ROR1: variants seen among roughly 807,000 people sequenced by gnomAD.
ROR1 encodes inactive tyrosine-protein kinase transmembrane receptor ROR1.
In ROR1, 19 loss-of-function variants were observed where a neutral mutation model predicts 78.8. The ratio of observed to expected loss-of-function variants is 0.24; its 90% CI spans 0.17 to 0.35. The LOEUF (loss-of-function observed/expected upper bound fraction) is 0.35, where lower values mean the gene tolerates loss of function less well. Ranked by LOEUF, ROR1 falls within the 10% of genes least tolerant of loss-of-function variation. ROR1 has a pLI of 1.00. For missense variants in ROR1, 917 were observed against 1,177.8 expected (o/e 0.78, Z 3.24); for synonymous variants, 386 against 433.6 (o/e 0.89, Z 1.36).
chr1:64,058,964 C>T (rs1016926301), intron 4 of ROR1, among the ~76,000 whole-genome samples: 1 of 151,988 alleles, frequency 6.6e-6, no homozygotes, highest in Non-Finnish European at 1.5e-5. Context: ...GAATTTTCAT[C>T]ATGGGAAGTT....
intron 2 of ROR1, among the ~76,000 whole-genome samples, chr1:64,031,250 A>G (rs1646657420): frequency 6.6e-6 from 1 of 152,250 alleles, no homozygotes; most frequent in East Asian, 1.9e-4. Context: ...GGTTCTGACC[A>G]GTAGAGGCTG....
intron 4 of ROR1, among the ~76,000 whole-genome samples, chr1:64,093,149 T>C (rs1176430506): frequency 6.6e-6 from 1 of 152,186 alleles, no homozygotes; most frequent in South Asian, 2.1e-4. Context: ...TCCTATATTA[T>C]ATTAAGGATG....
intron 1 of ROR1, chr1:63,843,653 C>A: frequency 5.1e-6 from 3 of 591,810 alleles, no homozygotes; most frequent in South Asian, 2.9e-5. Context: ...TGAACATGTT[C>A]ATGACACCAT....
At chr1:63,884,727 G>A (rs1367217189) in intron 1 of ROR1, among the ~76,000 whole-genome samples, 2 of 152,100 alleles carry the variant, frequency 1.3e-5, no homozygotes, top group African/African-American at 2.4e-5. Flanking sequence ...AGGAGACAGG[G>A]GATTATACAA....
intron 3 of ROR1, among the ~76,000 whole-genome samples, chr1:64,050,394 A>C (rs573404040): frequency 6.6e-6 from 1 of 152,076 alleles, no homozygotes; most frequent in African/African-American, 2.4e-5. Context: ...CACTCAGCCC[A>C]TTGGAAACTC....
At chr1:64,004,390 A>G (rs1354565848) in intron 1 of ROR1, among the ~76,000 whole-genome samples, 2 of 152,230 alleles carry the variant, frequency 1.3e-5, no homozygotes, top group African/African-American at 4.8e-5. Context: ...ATGTTCCTCT[A>G]TAAATAGCTC....
At chr1:63,923,259 A>G (rs1645672602) in intron 1 of ROR1, among the ~76,000 whole-genome samples, 1 of 152,214 alleles carries the variant, frequency 6.6e-6, no homozygotes, top group Non-Finnish European at 1.5e-5. Context: ...ACTCTGGAAC[A>G]GGATCCCAGG....
rs190561787 is a variant in ROR1 at position 64,012,175 on chromosome 1, A to G, written c.163+2799A>G. On this transcript the variant is annotated intron_variant, in intron 2 of 8. Coordinates refer to ENST00000371079, the MANE Select transcript of ROR1 (RefSeq NM_005012.4). ...AATTTGAAAACTATGGGTACTCTCT[A>G]AGGCCTAGAGTTTTGGTATCCCATG... 2.1e-3 allele frequency among the ~76,000 whole-genome samples: 314 copies of G among 152,330 alleles called. 1 individual carries two copies. The highest frequency in any genetic ancestry group is 7.2e-3 in the African/African-American group (299 of 41,582).
At chr1:63,931,860 T>A (rs983293539) in intron 1 of ROR1, among the ~76,000 whole-genome samples, 2 of 152,236 alleles carry the variant, frequency 1.3e-5, no homozygotes, top group African/African-American at 4.8e-5. Flanking sequence ...GTTATTATTG[T>A]TAATCTCTTA....
chr1:64,079,719 T>G (rs1052688830), intron 4 of ROR1, among the ~76,000 whole-genome samples: 1 of 152,126 alleles, frequency 6.6e-6, no homozygotes, highest in Non-Finnish European at 1.5e-5. Context: ...TGACCTCAAG[T>G]GATCTGCCCT....
At chr1:63,956,173 G>A (rs1238682143) in intron 1 of ROR1, among the ~76,000 whole-genome samples, 1 of 152,182 alleles carries the variant, frequency 6.6e-6, no homozygotes, top group Non-Finnish European at 1.5e-5. Flanking sequence ...AACTGTCACG[G>A]ATGTTTCACA....
chr1:64,179,088 T>C lies in ROR1; in HGVS notation c.*233T>C, dbSNP rs1325853137. Reference sequence around the variant, plus strand: ...TTGTGGGATGTGCACTCCATTGGAGTGCATGACATGGCATTGGGATTGGAA... The same window carrying C: ...TTGTGGGATGTGCACTCCATTGGAGCGCATGACATGGCATTGGGATTGGAA... On this transcript the variant is annotated 3_prime_UTR_variant, in exon 9 of 9. Transcript: ENST00000371079. 2.4e-6 allele frequency: 1 copy of C among 412,434 alleles called. No individual in the cohort carries two copies. Among genetic ancestry groups the C allele is most frequent in the East Asian group, 4.1e-5 (1 of 24,138 alleles). The allele number at this position is 412,434 out of a possible 1,614,324, so 25.5% of individuals were successfully genotyped here.
intron 4 of ROR1, among the ~76,000 whole-genome samples, chr1:64,098,364 T>A (rs1204425830): frequency 1.3e-5 from 2 of 152,266 alleles, no homozygotes; most frequent in East Asian, 3.9e-4. Flanking sequence ...GGTCTTCATT[T>A]GTGCTTGCAG....
intron 4 of ROR1, among the ~76,000 whole-genome samples, chr1:64,072,820 C>G (rs1647018737): frequency 6.6e-6 from 1 of 152,102 alleles, no homozygotes; most frequent in South Asian, 2.1e-4. Flanking sequence ...GGATAGTATC[C>G]TACTCTGAGT....
At chr1:63,962,561 A>C (rs1260195918) in intron 1 of ROR1, among the ~76,000 whole-genome samples, 2 of 152,170 alleles carry the variant, frequency 1.3e-5, no homozygotes, top group African/African-American at 4.8e-5. Flanking sequence ...GGACTGAGAA[A>C]AGCCTCCCTG....
In ROR1 at chr1:64,081,729, C is replaced by T. The variant is rs1569705609; in HGVS notation, c.482+31013C>T. Among the ~76,000 whole-genome samples the T allele has an allele frequency of 2.0e-5, 3 of 147,380 alleles. No homozygotes were observed. The South Asian group carries it at 6.4e-4, about 31-fold the overall frequency. On this transcript the variant is annotated intron_variant, in intron 4 of 8. Coordinates refer to ENST00000371079, the MANE Select transcript of ROR1 (RefSeq NM_005012.4). ...GAGGCTGCAGTGAGCCATGATTGCA[C>T]CGTTGCACTCCAGCCTAGGTGACAG...
intron 1 of ROR1, among the ~76,000 whole-genome samples, chr1:63,828,722 T>C (rs1354984267): frequency 1.3e-5 from 2 of 152,242 alleles, no homozygotes; most frequent in Non-Finnish European, 2.9e-5. Context: ...GGTTTTTTAC[T>C]CTATTCCCCT....
intron 1 of ROR1, among the ~76,000 whole-genome samples, chr1:63,919,360 A>C (rs1645635287): frequency 6.6e-6 from 1 of 152,150 alleles, no homozygotes; most frequent in Admixed American, 6.5e-5. Flanking sequence ...TTTTTCTTTT[A>C]ATCAGCAAAA....
intron 1 of ROR1, among the ~76,000 whole-genome samples, chr1:63,855,237 G>A (rs2100336382): frequency 6.6e-6 from 1 of 152,178 alleles, no homozygotes; most frequent in South Asian, 2.1e-4. Context: ...CTATGTGTTT[G>A]GTAATTAATT....
Sources: gnomAD v4.1 joint callset for allele counts (sites outside exome capture counted in the v4.1 genomes callset) on GRCh38, gnomAD v4.1.1 for gene constraint, MANE v1.5 for transcripts, NCBI Gene and HGNC (gene_info 2026-07-23, HGNC 2026-07-21) for gene names.